NPHP1: variants seen among roughly 807,000 people sequenced by gnomAD.
The protein encoded by NPHP1 is nephrocystin 1.
In NPHP1, 70 loss-of-function variants were observed where a neutral mutation model predicts 90.4. That is an observed-to-expected ratio of 0.77 (90% CI 0.64 to 0.95). The LOEUF (loss-of-function observed/expected upper bound fraction) is 0.95. Among genes scored for constraint, NPHP1 ranks in the 40% least tolerant of loss-of-function variants. NPHP1 has a pLI of 0.00. For synonymous variants in NPHP1, 256 were observed against 271.7 expected (o/e 0.94, Z 0.57); for missense variants, 764 against 795.9 (o/e 0.96, Z 0.48).
intron 8 of NPHP1, chr2:110,163,420 G>C (rs1415574127): frequency 7.2e-6 from 3 of 415,582 alleles, no homozygotes. Flanking sequence ...CTCCTGTCCT[G>C]CTCCACCCTG....
chr2:110,203,264 G>C (rs2104721459), intron 1 of NPHP1, among the ~76,000 whole-genome samples: 1 of 152,086 alleles, frequency 6.6e-6, no homozygotes, highest in South Asian at 2.1e-4. Flanking sequence ...GAGTGGGGTG[G>C]GGGAGGGAAG....
Position 110,165,087 on chromosome 2 carries a change from C to T in NPHP1, c.693G>A (p.Val231=), listed in dbSNP as rs746229585. 5 of 1,613,662 alleles carry T rather than the reference C, an allele frequency of 3.1e-6. No homozygotes were observed. Among genetic ancestry groups the T allele is most frequent in the Non-Finnish European group, 4.2e-6 (5 of 1,179,762 alleles). The part of the protein sequence containing the change: ...EEGSEEDVEA[V]DETADGAEVK... ...CTTCTGCTCCATCTGCTGTTTCATC[C>T]ACCGCCTCTACATCTTCTTCACTGC... The change falls in exon 7 of 20, where the codon GTG becomes GTA. Residue 231 remains valine, a synonymous_variant. Coordinates refer to ENST00000445609, the MANE Select transcript of NPHP1 (RefSeq NM_001128178.3).
rs771519149 is a variant in NPHP1, at chr2:110,170,009, T to C, written c.330-11A>G. On this transcript the variant is annotated splice_polypyrimidine_tract_variant and intron_variant, in intron 4 of 19. Transcript: ENST00000445609. Reference sequence around the variant, plus strand: ...GTAGGTGCCCCAACTCTACAAAAAGTGTTTCTGAGTAGGACTACTTGAAAT... The same window carrying C: ...GTAGGTGCCCCAACTCTACAAAAAGCGTTTCTGAGTAGGACTACTTGAAAT... 13 of 1,613,202 alleles carry C rather than the reference T, an allele frequency of 8.1e-6. No homozygotes were observed. In the Admixed American group the frequency reaches 1.8e-4, roughly 23 times the overall value.
chr2:110,161,696 C>T lies in NPHP1; in HGVS notation c.861G>A (p.Gly287=). The change falls in exon 10 of 20, where the codon GGG becomes GGA. Residue 287 remains glycine (G), a splice_region_variant and synonymous_variant. Transcript: ENST00000445609. ...PSTLSQLLEE[G]NQFRANYFLQ... is the part of the protein sequence containing the mutation. ...AGAAGTAATTTGCTCGAAATTGATT[C>T]CCTGAAAAAATCATTTTTTCTTCAT... The T allele has an allele frequency of 6.2e-7, 1 of 1,606,438 alleles. No homozygotes were observed. The highest frequency in any genetic ancestry group is 8.5e-7 in the Non-Finnish European group (1 of 1,173,306).
At chr2:110,184,110 G>C in intron 2 of NPHP1, 1 of 546,568 alleles carries the variant, frequency 1.8e-6, no homozygotes, top group Non-Finnish European at 3.7e-6. Flanking sequence ...CAATGAATCT[G>C]GTGTGATTAA....
chr2:110,169,747 T>C (rs369755856), intron 5 of NPHP1, 59 bp downstream of exon 5: 2 of 1,172,236 alleles, frequency 1.7e-6, no homozygotes, highest in Non-Finnish European at 2.6e-6. Context: ...CAGAGTTTTC[T>C]TATTCTGTTA....
At chr2:110,187,933 A>C (rs139466309) in intron 2 of NPHP1, among the ~76,000 whole-genome samples, 12 of 152,300 alleles carry the variant, frequency 7.9e-5, no homozygotes, top group African/African-American at 2.9e-4. Flanking sequence ...TATCTCAATA[A>C]ATGCAGAAAA....
intron 6 of NPHP1, among the ~76,000 whole-genome samples, chr2:110,166,068 T>C (rs1216660218): frequency 6.6e-6 from 1 of 152,192 alleles, no homozygotes; most frequent in Non-Finnish European, 1.5e-5. Context: ...TTGCTGGTCA[T>C]ATTGGCAAAA....
intron 3 of NPHP1, 57 bp downstream of exon 3, chr2:110,179,567 T>C (rs903840348): frequency 3.9e-5 from 34 of 864,672 alleles, no homozygotes; most frequent in Non-Finnish European, 6.0e-5. Context: ...TTCCACTTAA[T>C]AAAAATACTT....
intron 4 of NPHP1, among the ~76,000 whole-genome samples, chr2:110,171,222 A>C (rs978101212): frequency 6.6e-6 from 1 of 152,150 alleles, no homozygotes; most frequent in Non-Finnish European, 1.5e-5. Flanking sequence ...ATCTTTCTGA[A>C]TTTTATTTAC....
intron 3 of NPHP1, 51 bp from the exon 4 acceptor site, chr2:110,178,598 A>G (rs780738690): frequency 6.4e-7 from 1 of 1,567,532 alleles, no homozygotes; most frequent in Non-Finnish European, 8.7e-7. Flanking sequence ...TCAGTTTCCT[A>G]ATTTCAAAAG....
At chr2:110,139,629 C>G (rs1036542751) in intron 16 of NPHP1, among the ~76,000 whole-genome samples, 12 of 152,272 alleles carry the variant, frequency 7.9e-5, no homozygotes, top group African/African-American at 2.4e-4. Context: ...AGCAAGGGCA[C>G]TGGGTAAAAA....
In NPHP1 at chr2:110,123,534, T is replaced by C. The variant is rs1421400422; in HGVS notation, c.*257A>G. 5.3e-6 allele frequency: 2 copies of C among 377,248 alleles called. No individual in the cohort carries two copies. Among genetic ancestry groups the C allele is most frequent in the South Asian group, 4.5e-5 (1 of 22,312 alleles). The allele number at this position is 377,248 out of a possible 1,614,324, so 23.4% of individuals were successfully genotyped here. A position where few individuals can be genotyped will look rare whatever the true frequency, so the allele number is the denominator to read the frequency against. On this transcript the variant is annotated 3_prime_UTR_variant, in exon 20 of 20. Coordinates refer to ENST00000445609, the MANE Select transcript of NPHP1 (RefSeq NM_001128178.3). The stretch of plus-strand genomic sequence containing the variant: ...TTTTATAGAAATCTATACCATTAAC[T>C]TAAGTAGCTGTTTTTGAAAAAATAA...
At chr2:110,199,164 C>A (rs762645604) in intron 2 of NPHP1, among the ~76,000 whole-genome samples, 3 of 152,008 alleles carry the variant, frequency 2.0e-5, no homozygotes, top group African/African-American at 7.2e-5. Context: ...TGGCCAGGCA[C>A]GGTGGCTCAC....
At position 110,129,262 on chromosome 2, in the gene NPHP1, G is replaced by A. The variant is rs202167187; in HGVS notation, c.1643-3C>T. The A allele has an allele frequency of 5.6e-6, 9 of 1,610,870 alleles. No homozygotes were observed. In the Admixed American group the frequency reaches 6.7e-5, roughly 12 times the overall value. On this transcript the variant is annotated splice_polypyrimidine_tract_variant and splice_region_variant and intron_variant, in intron 17 of 19. Coordinates refer to ENST00000445609, the MANE Select transcript of NPHP1 (RefSeq NM_001128178.3). ...CAGCATGGGATGGCTAATTAAATCT[G>A]AAATGCAAAACAACAGAAAGAATTT...
chr2:110,190,005 G>A (rs1358581250), intron 2 of NPHP1, among the ~76,000 whole-genome samples: 1 of 152,162 alleles, frequency 6.6e-6, no homozygotes, highest in East Asian at 1.9e-4. Context: ...GATACAGAGT[G>A]TCAATTGGTG....
intron 2 of NPHP1, chr2:110,185,025 A>G (rs754086797): frequency 1.6e-6 from 1 of 606,732 alleles, no homozygotes; most frequent in Non-Finnish European, 3.2e-6. Flanking sequence ...CTACTGAGTG[A>G]AGTGAAGATC....
Position 110,168,517 on chromosome 2 carries a change from C to T in NPHP1, c.559G>A (p.Asp187Asn). The change falls in exon 6 of 20, where the codon GAT becomes AAT. Residue 187 changes from aspartate to asparagine, a missense_variant. By Grantham distance (23) the Asp-to-Asn change is conservative (BLOSUM62 1). Transcript: ENST00000445609. ...EILLVIEKKP[D>N]GWWIAKDAKG... ...GCATCCTTAGCTATCCACCAACCAT[C>T]AGGTTTTTTTTCAATTACAAGGAGA... 1 of 1,613,120 alleles carries T rather than the reference C, an allele frequency of 6.2e-7. No individual in the cohort carries two copies. Among genetic ancestry groups the T allele is most frequent in the Non-Finnish European group, 8.5e-7 (1 of 1,179,298 alleles).
intron 16 of NPHP1, 76 bp downstream of exon 16, chr2:110,143,466 A>G: frequency 2.0e-6 from 2 of 1,018,744 alleles, no homozygotes; most frequent in Non-Finnish European, 3.1e-6. Context: ...AAATATGAGG[A>G]AAAGCCAAAA....
Sources: gnomAD v4.1 joint callset for allele counts (sites outside exome capture counted in the v4.1 genomes callset) on GRCh38, gnomAD v4.1.1 for gene constraint, MANE v1.5 for transcripts, NCBI Gene and HGNC (gene_info 2026-07-23, HGNC 2026-07-21) for gene names.